The following LINGO2 variants were observed in gnomAD, a reference collection of about 807,000 sequenced individuals.
LINGO2 encodes the protein leucine-rich repeat and immunoglobulin-like domain-containing nogo receptor-interacting protein 2.
In LINGO2, 14 loss-of-function variants were observed where a neutral mutation model predicts 30.6. That is an observed-to-expected ratio of 0.46 (90% CI 0.30 to 0.72). The LOEUF (loss-of-function observed/expected upper bound fraction) is 0.72, where lower values mean the gene tolerates loss of function less well. Among genes scored for constraint, LINGO2 ranks in the 30% least tolerant of loss-of-function variants. The pLI is 0.07. For synonymous variants in LINGO2, 317 were observed against 288.5 expected (o/e 1.10, Z -1.00); for missense variants, 729 against 751.7 (o/e 0.97, Z 0.35).
chr9:28,638,171 C>G (rs1827378777), intron 1 of LINGO2, among the ~76,000 whole-genome samples: 1 of 152,064 alleles, frequency 6.6e-6, no homozygotes, highest in Non-Finnish European at 1.5e-5. Context: ...GGGATGAAGC[C>G]CACTGGATTA....
chr9:28,736,534 T>C, the LINGO2 span, among the ~76,000 whole-genome samples: 2 of 152,168 alleles, frequency 1.3e-5, no homozygotes, highest in African/African-American at 4.8e-5. Flanking sequence ...GTCACGCCTA[T>C]AATCCCAGTA....
chr9:28,007,610 A>C (rs1312828118), intron 5 of LINGO2, among the ~76,000 whole-genome samples: 6 of 151,974 alleles, frequency 3.9e-5, no homozygotes, highest in Non-Finnish European at 8.8e-5. Context: ...TGCCCTGACA[A>C]ATAAAACAAA....
At chr9:28,134,385 GAAAC>G (rs1040051520) in intron 4 of LINGO2, among the ~76,000 whole-genome samples, 11 of 152,104 alleles carry the variant, frequency 7.2e-5, no homozygotes, top group African/African-American at 2.7e-4. Context: ...GGAAAACAAA[GAAAC>G]AAACAAACAT....
chr9:28,064,333 A>C (rs1825245045), intron 4 of LINGO2, among the ~76,000 whole-genome samples: 1 of 152,108 alleles, frequency 6.6e-6, no homozygotes, highest in African/African-American at 2.4e-5. Context: ...TTCTGCAGTA[A>C]AACAGGGCTG....
At chr9:28,654,194 T>C (rs1828236076) in intron 1 of LINGO2, among the ~76,000 whole-genome samples, 1 of 152,134 alleles carries the variant, frequency 6.6e-6, no homozygotes, top group African/African-American at 2.4e-5. Context: ...ATGTCTAACA[T>C]ATTTGCTTAG....
intron 5 of LINGO2, among the ~76,000 whole-genome samples, chr9:27,981,142 C>T (rs1820833080): frequency 6.6e-6 from 1 of 151,770 alleles, no homozygotes; most frequent in African/African-American, 2.4e-5. Flanking sequence ...AGACATCCAT[C>T]TGTATTTTTC....
the LINGO2 span, among the ~76,000 whole-genome samples, chr9:29,002,533 A>T: frequency 5.9e-5 from 9 of 152,094 alleles, no homozygotes; most frequent in Non-Finnish European, 1.0e-4. Flanking sequence ...CACTGCATAA[A>T]GTAGCCAAAG....
At chr9:28,887,975 G>A in the LINGO2 span, among the ~76,000 whole-genome samples, 20 of 152,062 alleles carry the variant, frequency 1.3e-4, no homozygotes, top group Non-Finnish European at 1.2e-4. Flanking sequence ...CAGCTTACAT[G>A]TAAGAACTTC....
In LINGO2 at chr9:28,130,095, T is replaced by G. The variant is rs1178772743; in HGVS notation, c.-86-117690A>C. On this transcript the variant is annotated intron_variant, in intron 4 of 5. Coordinates refer to ENST00000379992, the Ensembl canonical transcript of LINGO2. The surrounding 1 kb of genome is among the most constrained non-coding windows in gnomAD (Gnocchi z 5.2). ...AGTTATTGATCTTCAGGTAAACTCTTGGGGATTTTGTCAATTCTGACATTG... is the reference window on the plus strand; with the variant it reads ...AGTTATTGATCTTCAGGTAAACTCTGGGGGATTTTGTCAATTCTGACATTG... 1.3e-5 allele frequency among the ~76,000 whole-genome samples: 2 copies of G among 152,250 alleles called. No homozygotes were observed. Among genetic ancestry groups the G allele is most frequent in the Non-Finnish European group, 2.9e-5 (2 of 68,048 alleles).
chr9:28,979,542 G>C, the LINGO2 span, among the ~76,000 whole-genome samples: 1 of 151,834 alleles, frequency 6.6e-6, no homozygotes, highest in Non-Finnish European at 1.5e-5. Context: ...ACGTGGCCTT[G>C]AAATACTCAA....
chr9:28,677,574 C>T, the LINGO2 span, among the ~76,000 whole-genome samples: 1 of 152,122 alleles, frequency 6.6e-6, no homozygotes, highest in African/African-American at 2.4e-5. Flanking sequence ...AGTCCAGATT[C>T]AGCACATATC....
the LINGO2 span, among the ~76,000 whole-genome samples, chr9:28,809,623 G>T: frequency 3.3e-5 from 5 of 151,688 alleles, no homozygotes; most frequent in Non-Finnish European, 1.5e-5. Flanking sequence ...GCAGGCACCT[G>T]TAATTCCAGC....
At chr9:28,105,719 A>ACTCTCTCACT (rs1554673877) in intron 4 of LINGO2, among the ~76,000 whole-genome samples, 7 of 147,756 alleles carry the variant, frequency 4.7e-5, no homozygotes, top group Admixed American at 4.7e-4. Context: ...AACCTGTCTC[A>ACTCTCTCACT]CTCTCTCTCT....
At chr9:28,465,011 C>T (rs771399132) in intron 2 of LINGO2, among the ~76,000 whole-genome samples, 7 of 152,140 alleles carry the variant, frequency 4.6e-5, no homozygotes, top group African/African-American at 1.2e-4. Flanking sequence ...TAACTTTGGG[C>T]GCCGCCCCCC....
At chr9:28,933,872 T>A in the LINGO2 span, among the ~76,000 whole-genome samples, 51 of 152,348 alleles carry the variant, frequency 3.3e-4, no homozygotes, top group African/African-American at 1.2e-3. Context: ...ATAAAAACTT[T>A]TGGCTTTCTT....
At chr9:28,589,944 G>T (rs965228140) in intron 1 of LINGO2, among the ~76,000 whole-genome samples, 4 of 152,092 alleles carry the variant, frequency 2.6e-5, no homozygotes, top group Non-Finnish European at 5.9e-5. Flanking sequence ...TGGAACTGGA[G>T]ACCAAAACAG....
At chr9:28,524,668 G>T (rs545277305) in intron 1 of LINGO2, among the ~76,000 whole-genome samples, 12 of 152,088 alleles carry the variant, frequency 7.9e-5, no homozygotes, top group African/African-American at 2.9e-4. Flanking sequence ...CAGGAGAATC[G>T]CCTGAACCCA....
chr9:28,861,701 C>G, the LINGO2 span, among the ~76,000 whole-genome samples: 1 of 151,858 alleles, frequency 6.6e-6, no homozygotes, highest in South Asian at 2.1e-4. Flanking sequence ...GAAATCAAGG[C>G]TGAAGTGAGC....
intron 5 of LINGO2, among the ~76,000 whole-genome samples, chr9:28,005,937 C>A (rs552569477): frequency 3.0e-4 from 46 of 152,198 alleles, no homozygotes; most frequent in African/African-American, 1.1e-3. Context: ...GGATTCAGAG[C>A]ACTGCACTTT....
Sources: allele counts gnomAD v4.1 joint callset (sites outside exome capture counted in the v4.1 genomes callset), GRCh38; gene constraint gnomAD v4.1.1; non-coding constraint Gnocchi (gnomAD v3.1); transcripts MANE v1.5; gene names NCBI Gene and HGNC (gene_info 2026-07-23, HGNC 2026-07-21).